DESI2: variants seen among roughly 807,000 people sequenced by gnomAD.
DESI2 encodes the protein desumoylating isopeptidase 2, also known as deubiquitinase DESI2.
In DESI2, 10 loss-of-function variants were observed where a neutral mutation model predicts 24.1. That is an observed-to-expected ratio of 0.41 (90% CI 0.26 to 0.70). DESI2 has a LOEUF of 0.70. Among genes scored for constraint, DESI2 ranks in the 30% least tolerant of loss-of-function variants. The probability of loss-of-function intolerance (pLI) is 0.29; values close to 1 mark genes in which losing one functional copy is unlikely to be tolerated. For synonymous variants in DESI2, 71 were observed against 87.7 expected (o/e 0.81, Z 1.06); for missense variants, 122 against 234.9 (o/e 0.52, Z 3.14).
At chr1:244,669,680 A>G (rs373424692) in intron 1 of DESI2, among the ~76,000 whole-genome samples, 2 of 152,020 alleles carry the variant, frequency 1.3e-5, no homozygotes, top group African/African-American at 4.8e-5. Context: ...CTCCATCTCA[A>G]AAAAAGAAAA....
At position 244,692,030 on chromosome 1, in the gene DESI2, A is replaced by G. The variant is rs768553002; in HGVS notation, c.351+10A>G. Reference sequence around the variant, plus strand: ...TTCAGCTTTATCAGAGGTAAGCTAAATTTTATCCTAAAAGTTCTTCAAATA... The same window carrying G: ...TTCAGCTTTATCAGAGGTAAGCTAAGTTTTATCCTAAAAGTTCTTCAAATA... On this transcript the variant is annotated intron_variant, in intron 4 of 4. Coordinates refer to ENST00000302550, the MANE Select transcript of DESI2 (RefSeq NM_016076.5). 1.3e-6 allele frequency: 2 copies of G among 1,581,382 alleles called. No homozygotes were observed. Among genetic ancestry groups the G allele is most frequent in the South Asian group, 2.3e-5 (2 of 85,228 alleles).
chr1:244,691,907 T>A lies in DESI2; in HGVS notation c.238T>A (p.Phe80Ile). The A allele has an allele frequency of 6.3e-7, 1 of 1,590,008 alleles. No individual in the cohort carries two copies. The highest frequency in any genetic ancestry group is 1.2e-5 in the South Asian group (1 of 85,222). ...KEAVVLGSTDFLEDDIEKIVE... is the reference protein window; with the variant it reads ...KEAVVLGSTDILEDDIEKIVE... Reference sequence around the variant, plus strand: ...AGCTGTTGTTTTAGGGAGCACGGACTTCCTAGAAGATGATATAGAAAAAAT... The same window carrying A: ...AGCTGTTGTTTTAGGGAGCACGGACATCCTAGAAGATGATATAGAAAAAAT... The change falls in exon 4 of 5, where the codon TTC becomes ATC. Residue 80 changes from phenylalanine (F) to isoleucine (I), a missense_variant. Transcript: ENST00000302550.
chr1:244,705,862 C>A lies in DESI2; in HGVS notation c.*73C>A. ...CACTAGAGAAAAGTAAACAGAGAAG[C>A]ATCCTTTAGATATTTTGTATGCAAA... On this transcript the variant is annotated 3_prime_UTR_variant, in exon 5 of 5. Coordinates refer to ENST00000302550, the MANE Select transcript of DESI2 (RefSeq NM_016076.5). 1 of 1,069,158 alleles carries A rather than the reference C, an allele frequency of 9.4e-7. No homozygotes were observed. Among genetic ancestry groups the A allele is most frequent in the Non-Finnish European group, 1.4e-6 (1 of 736,042 alleles). The allele number at this position is 1,069,158 out of a possible 1,614,324, so 66.2% of individuals were successfully genotyped here. A position where few individuals can be genotyped will look rare whatever the true frequency, so the allele number is the denominator to read the frequency against.
At chr1:244,699,154 T>TA (rs1298398848) in intron 4 of DESI2, among the ~76,000 whole-genome samples, 1 of 152,222 alleles carries the variant, frequency 6.6e-6, no homozygotes, top group Non-Finnish European at 1.5e-5. Context: ...AATGATGCTA[T>TA]AGGCCACTTA....
intron 1 of DESI2, among the ~76,000 whole-genome samples, chr1:244,663,247 G>C (rs1320621173): frequency 6.6e-6 from 1 of 151,902 alleles, no homozygotes; most frequent in South Asian, 2.1e-4. Flanking sequence ...ATCCGTCTCG[G>C]CTCAGTGCAA....
At chr1:244,653,389 C>T in intron 1 of DESI2, 34 bp downstream of exon 1, 2 of 1,538,424 alleles carry the variant, frequency 1.3e-6, no homozygotes, top group East Asian at 2.7e-5. Context: ...CGAGCCCTGG[C>T]CCAGGCCGGC....
At chr1:244,691,483 C>T (rs1677030431) in intron 3 of DESI2, among the ~76,000 whole-genome samples, 1 of 152,226 alleles carries the variant, frequency 6.6e-6, no homozygotes, top group Non-Finnish European at 1.5e-5. Flanking sequence ...TTCTAGGTGA[C>T]ATTATGGCCA....
chr1:244,695,343 C>T (rs1393602650), intron 4 of DESI2, among the ~76,000 whole-genome samples: 1 of 152,210 alleles, frequency 6.6e-6, no homozygotes, highest in Non-Finnish European at 1.5e-5. Flanking sequence ...CTCGTCTAAT[C>T]TAAATGTCTT....
chr1:244,691,368 C>T (rs933544589), intron 3 of DESI2, among the ~76,000 whole-genome samples: 1 of 152,376 alleles, frequency 6.6e-6, no homozygotes, highest in Non-Finnish European at 1.5e-5. Context: ...GGATTACAGG[C>T]GTGAGCCGCC....
intron 4 of DESI2, among the ~76,000 whole-genome samples, chr1:244,692,560 G>A (rs1468025625): frequency 6.6e-6 from 1 of 152,090 alleles, no homozygotes; most frequent in African/African-American, 2.4e-5. Context: ...ATAAAGTAAG[G>A]TCTAGGGAAT....
chr1:244,674,080 C>T (rs1261849969), intron 1 of DESI2, among the ~76,000 whole-genome samples: 11 of 150,892 alleles, frequency 7.3e-5, no homozygotes, highest in African/African-American at 1.2e-4. Flanking sequence ...TTACAACCTC[C>T]GCCTCCCAGG....
In DESI2 at chr1:244,708,950, C is replaced by T. The variant is rs569994991; in HGVS notation, c.*3161C>T. 2.0e-5 allele frequency: 3 copies of T among 152,636 alleles called. No homozygotes were observed. The East Asian group carries it at 5.8e-4, about 29-fold the overall frequency. 9.5% of individuals were successfully genotyped at this position (152,636 alleles called of 1,614,324 possible). A position where few individuals can be genotyped will look rare whatever the true frequency, so the allele number is the denominator to read the frequency against. On this transcript the variant is annotated 3_prime_UTR_variant, in exon 5 of 5. Transcript: ENST00000302550. ...TATATCAAAATACCAGGAATCTTCA[C>T]TTTTGCTACCTTGATATAGCATTGG...
At chr1:244,660,204 C>A (rs1182875113) in intron 1 of DESI2, among the ~76,000 whole-genome samples, 1 of 152,096 alleles carries the variant, frequency 6.6e-6, no homozygotes, top group Admixed American at 6.6e-5. Flanking sequence ...AGACAGAGGT[C>A]GCCCAGGTTG....
At chr1:244,686,369 C>G (rs1676823207) in intron 1 of DESI2, among the ~76,000 whole-genome samples, 1 of 151,970 alleles carries the variant, frequency 6.6e-6, no homozygotes, top group Admixed American at 6.6e-5. Flanking sequence ...ATTGCTTCCC[C>G]TAGAAGCCTT....
At chr1:244,664,910 A>T (rs897715032) in intron 1 of DESI2, among the ~76,000 whole-genome samples, 4 of 152,194 alleles carry the variant, frequency 2.6e-5, no homozygotes, top group African/African-American at 9.7e-5. Flanking sequence ...AATAATCTAC[A>T]TGTTTGTTCC....
intron 1 of DESI2, among the ~76,000 whole-genome samples, chr1:244,659,795 C>CA (rs1460142303): frequency 6.6e-6 from 1 of 152,184 alleles, no homozygotes; most frequent in Non-Finnish European, 1.5e-5. Context: ...TCTGGGGAGT[C>CA]ATTCTGCCAC....
At chr1:244,676,918 ATTTTT>A (rs55638785) in intron 1 of DESI2, among the ~76,000 whole-genome samples, 1 of 134,630 alleles carries the variant, frequency 7.4e-6, no homozygotes, top group Admixed American at 7.5e-5. Context: ...TATTACATTA[ATTTTT>A]TTTTTTTTTT....
At chr1:244,696,163 C>G (rs774872417) in intron 4 of DESI2, among the ~76,000 whole-genome samples, 1 of 152,146 alleles carries the variant, frequency 6.6e-6, no homozygotes, top group Non-Finnish European at 1.5e-5. Context: ...AAAATTAACT[C>G]CTAAAATTAT....
At chr1:244,667,570 A>G (rs1676089996) in intron 1 of DESI2, among the ~76,000 whole-genome samples, 2 of 152,228 alleles carry the variant, frequency 1.3e-5, no homozygotes, top group Non-Finnish European at 2.9e-5. Flanking sequence ...CCAAGGCCAC[A>G]CAGCTAAAAA....
Sources: gnomAD v4.1 joint callset for allele counts (sites outside exome capture counted in the v4.1 genomes callset) on GRCh38, gnomAD v4.1.1 for gene constraint, MANE v1.5 for transcripts, NCBI Gene and HGNC (gene_info 2026-07-23, HGNC 2026-07-21) for gene names.